The following DPYD variants were observed in gnomAD, a reference collection of about 807,000 sequenced individuals.
The protein encoded by DPYD is dihydropyrimidine dehydrogenase.
DPYD carries 109 observed loss-of-function variants against 116.2 expected under a neutral mutation model. That is an observed-to-expected ratio of 0.94 (90% CI 0.80 to 1.10). The LOEUF (loss-of-function observed/expected upper bound fraction) is 1.10. DPYD is among the 50% of genes least tolerant of loss of function. The pLI is 0.00. For synonymous variants in DPYD, 440 were observed against 432.0 expected, an observed-to-expected ratio of 1.02 and a Z score of -0.23; for missense variants, 1,302 against 1,254.5, an observed-to-expected ratio of 1.04 and a Z score of -0.57.
intron 20 of DPYD, among the ~76,000 whole-genome samples, chr1:97,128,777 A>G (rs1653045938): frequency 6.6e-6 from 1 of 152,160 alleles, no homozygotes; most frequent in South Asian, 2.1e-4. Context: ...TGATGCTATT[A>G]GGGTATTTTT....
intron 8 of DPYD, among the ~76,000 whole-genome samples, chr1:97,608,756 T>A (rs2100742448): frequency 6.6e-6 from 1 of 151,816 alleles, no homozygotes; most frequent in South Asian, 2.1e-4. Context: ...GCATTTAATA[T>A]AAATTTAATA....
chr1:97,615,756 C>T (rs938668149), intron 8 of DPYD, among the ~76,000 whole-genome samples: 5 of 152,114 alleles, frequency 3.3e-5, no homozygotes, highest in African/African-American at 7.2e-5. Flanking sequence ...GTGTTTCACT[C>T]CTTAGCAAGG....
intron 20 of DPYD, among the ~76,000 whole-genome samples, chr1:97,160,468 T>C (rs1655808413): frequency 6.6e-6 from 1 of 151,824 alleles, no homozygotes; most frequent in Non-Finnish European, 1.5e-5. Flanking sequence ...ACCTGAAAAA[T>C]GTGAGATTAG....
At chr1:97,230,711 G>A (rs1487532033) in intron 19 of DPYD, among the ~76,000 whole-genome samples, 1 of 152,218 alleles carries the variant, frequency 6.6e-6, no homozygotes, top group East Asian at 1.9e-4. Flanking sequence ...CTAAAAGGCT[G>A]CAATGTGGCG....
intron 16 of DPYD, among the ~76,000 whole-genome samples, chr1:97,335,002 C>A (rs544808141): frequency 6.6e-6 from 1 of 151,978 alleles, no homozygotes; most frequent in East Asian, 1.9e-4. Flanking sequence ...GGGAACAGAC[C>A]CAAAGAGTAG....
chr1:97,720,214 T>C, intron 5 of DPYD: 4 of 984,532 alleles, frequency 4.1e-6, no homozygotes, highest in Non-Finnish European at 4.8e-6. Context: ...CATGACCAGA[T>C]CAATTACTAA....
At chr1:97,768,058 A>G (rs1665957872) in intron 3 of DPYD, among the ~76,000 whole-genome samples, 1 of 152,172 alleles carries the variant, frequency 6.6e-6, no homozygotes, top group Non-Finnish European at 1.5e-5. Context: ...ATGCTCAAGT[A>G]AAGAAGGACA....
intron 20 of DPYD, among the ~76,000 whole-genome samples, chr1:97,105,964 T>C (rs1000575220): frequency 6.6e-6 from 1 of 152,008 alleles, no homozygotes; most frequent in African/African-American, 2.4e-5. Context: ...GTCAGGGAGA[T>C]AGTGGGGGAT....
At position 97,899,602 on chromosome 1, in the gene DPYD, T is replaced by C. The variant is rs1673260851; in HGVS notation, c.40-16228A>G. 2.6e-5 allele frequency among the ~76,000 whole-genome samples: 4 copies of C among 151,928 alleles called. No individual in the cohort carries two copies. The South Asian group carries it at 8.3e-4, about 32-fold the overall frequency. On this transcript the variant is annotated intron_variant, in intron 1 of 22. Coordinates refer to ENST00000370192, the MANE Select transcript of DPYD (RefSeq NM_000110.4). The stretch of plus-strand genomic sequence containing the variant: ...CTATTCCCTAGTGTCCCACCTTGAG[T>C]GTATGCAGAATTCCAGTAAGAGTAT...
chr1:97,597,254 C>T (rs1196254731), intron 8 of DPYD, among the ~76,000 whole-genome samples: 3 of 152,176 alleles, frequency 2.0e-5, no homozygotes, highest in Non-Finnish European at 4.4e-5. Flanking sequence ...CCAGGTCACA[C>T]ATAGGGCCTC....
intron 5 of DPYD, among the ~76,000 whole-genome samples, chr1:97,701,874 G>A (rs1291414695): frequency 2.0e-5 from 3 of 151,722 alleles, no homozygotes; most frequent in African/African-American, 7.3e-5. Context: ...TTTAAGGGAA[G>A]ACAACATCTT....
chr1:97,203,793 C>CA (rs56819543), intron 19 of DPYD, among the ~76,000 whole-genome samples: 2,807 of 64,708 alleles, frequency 0.043, 19 homozygotes, highest in Non-Finnish European at 0.058. Flanking sequence ...ATTCACATTC[C>CA]AAAAAAAAAA....
At chr1:97,921,057 A>AGCGGGCGCGGG (rs1473930248), upstream of DPYD, 1 of 1,152,534 alleles carries the variant, frequency 8.7e-7, no homozygotes, top group African/African-American at 1.6e-5. Context: ...GCGGGGGCGG[A>AGCGGGCGCGGG]GCGGGCGCGG....
In DPYD at chr1:97,098,646, A is replaced by C; in HGVS notation, c.2623-14T>G. ...ACTTGGCAGTTTCTAAAAGGAAAAC[A>C]CACAAATAAGGAAGCATGTTAGCTC... On this transcript the variant is annotated splice_polypyrimidine_tract_variant and intron_variant, in intron 20 of 22. Transcript: ENST00000370192. The C allele has an allele frequency of 6.2e-7, 1 of 1,612,522 alleles. No homozygotes were observed. The highest frequency in any genetic ancestry group is 8.5e-7 in the Non-Finnish European group (1 of 1,179,150).
intron 1 of DPYD, among the ~76,000 whole-genome samples, chr1:97,899,364 A>G (rs1673244432): frequency 6.6e-6 from 1 of 151,900 alleles, no homozygotes; most frequent in Non-Finnish European, 1.5e-5. Context: ...AATGTGTGCC[A>G]TGTAACTCCA....
At chr1:97,631,149 A>C (rs550036484) in intron 8 of DPYD, among the ~76,000 whole-genome samples, 9 of 152,150 alleles carry the variant, frequency 5.9e-5, no homozygotes, top group African/African-American at 1.9e-4. Flanking sequence ...GTCACTTCAA[A>C]CTGTCATTGT....
At chr1:97,215,117 T>C (rs1660289971) in intron 19 of DPYD, among the ~76,000 whole-genome samples, 2 of 152,228 alleles carry the variant, frequency 1.3e-5, no homozygotes, top group Admixed American at 1.3e-4. Context: ...CTTCAGATAC[T>C]GTATGAGGTG....
At chr1:97,703,778 T>C (rs985911696) in intron 5 of DPYD, among the ~76,000 whole-genome samples, 1 of 152,058 alleles carries the variant, frequency 6.6e-6, no homozygotes, top group Admixed American at 6.6e-5. Flanking sequence ...TGAGCATAGT[T>C]AATGGGAAAT....
intron 7 of DPYD, among the ~76,000 whole-genome samples, chr1:97,683,280 G>A (rs761616976): frequency 2.0e-5 from 3 of 151,564 alleles, no homozygotes; most frequent in Non-Finnish European, 2.9e-5. Flanking sequence ...TTTCCTTGTG[G>A]GAGAGAAATA....
Sources: gnomAD v4.1 joint callset for allele counts (sites outside exome capture counted in the v4.1 genomes callset) on GRCh38, gnomAD v4.1.1 for gene constraint, MANE v1.5 for transcripts, NCBI Gene and HGNC (gene_info 2026-07-23, HGNC 2026-07-21) for gene names.